Variants in HCN4 observed in about 807,000 individuals in gnomAD.
The protein encoded by HCN4 is hyperpolarization activated cyclic nucleotide gated potassium channel 4, also known as potassium/sodium hyperpolarization-activated cyclic nucleotide-gated channel 4.
HCN4 carries 29 observed loss-of-function variants against 76.9 expected under a neutral mutation model. The observed-to-expected ratio is 0.38, with a 90% CI of 0.28 to 0.51. The LOEUF is 0.51. Among genes scored for constraint, HCN4 ranks in the 20% least tolerant of loss-of-function variants. HCN4 has a pLI of 0.90. For missense variants in HCN4, 1,416 were observed against 1,715.2 expected (o/e 0.83, Z 3.08); for synonymous variants, 772 against 762.5 (o/e 1.01, Z -0.21).
chr15:73,360,442 C>T (rs983636224), intron 1 of HCN4, among the ~76,000 whole-genome samples: 3 of 152,196 alleles, frequency 2.0e-5, no homozygotes, highest in Admixed American at 6.5e-5. Context: ...TCTGATATTC[C>T]GACACCTGAT....
intron 1 of HCN4, among the ~76,000 whole-genome samples, chr15:73,347,451 C>T (rs1190814881): frequency 6.6e-6 from 1 of 152,154 alleles, no homozygotes; most frequent in African/African-American, 2.4e-5. Flanking sequence ...GAGAAGACTG[C>T]AAAGAGGATT....
chr15:73,359,039 T>G (rs11636462), intron 1 of HCN4, among the ~76,000 whole-genome samples: 9,424 of 152,302 alleles, frequency 0.062, 432 homozygotes, highest in Admixed American at 0.099. Flanking sequence ...GCCCCCATTA[T>G]GTATTAATTT....
intron 1 of HCN4, among the ~76,000 whole-genome samples, chr15:73,361,265 G>A (rs1472703655): frequency 6.6e-6 from 1 of 152,152 alleles, no homozygotes; most frequent in Non-Finnish European, 1.5e-5. Context: ...TCCCACCTCA[G>A]ATCCGAGTGG....
chr15:73,350,845 TA>T (rs559176108), intron 1 of HCN4, among the ~76,000 whole-genome samples: 10 of 151,304 alleles, frequency 6.6e-5, no homozygotes, highest in South Asian at 2.1e-4. Context: ...TCTCTAAACT[TA>T]AAAAAAAATC....
At chr15:73,347,964 T>C (rs1438167381) in intron 1 of HCN4, among the ~76,000 whole-genome samples, 1 of 152,192 alleles carries the variant, frequency 6.6e-6, no homozygotes, top group African/African-American at 2.4e-5. Flanking sequence ...CCTGGACCAA[T>C]GGGTCCACCC....
chr15:73,358,975 G>T (rs1018232020), intron 1 of HCN4, among the ~76,000 whole-genome samples: 1 of 152,118 alleles, frequency 6.6e-6, no homozygotes, highest in African/African-American at 2.4e-5. Context: ...ATTCTGGAGG[G>T]CATGACTCCC....
Position 73,331,303 on chromosome 15 carries a change from C to A in HCN4, c.1371+828G>T, listed in dbSNP as rs978284457. On this transcript the variant is annotated intron_variant, in intron 3 of 7. Coordinates refer to ENST00000261917, the MANE Select transcript of HCN4 (RefSeq NM_005477.3). The stretch of plus-strand genomic sequence containing the variant: ...TAGGGTGGGGTCAGGCTTCATCCTG[C>A]CTGCCCTCCCTATCGGGACTCCACC... 8.7e-4 allele frequency among the ~76,000 whole-genome samples: 132 copies of A among 152,182 alleles called. 1 individual carries two copies. Among genetic ancestry groups the A allele is most frequent in the African/African-American group, 3.1e-3 (128 of 41,438 alleles).
At chr15:73,349,540 C>T (rs1178897983) in intron 1 of HCN4, among the ~76,000 whole-genome samples, 3 of 152,074 alleles carry the variant, frequency 2.0e-5, no homozygotes, top group African/African-American at 7.2e-5. Flanking sequence ...TATTTTATTA[C>T]TCCCAAACTC....
chr15:73,331,317 C>T (rs942527217), intron 3 of HCN4, among the ~76,000 whole-genome samples: 1 of 152,190 alleles, frequency 6.6e-6, no homozygotes. Flanking sequence ...CCCTCCCTAT[C>T]GGGACTCCAC....
intron 1 of HCN4, among the ~76,000 whole-genome samples, chr15:73,353,951 G>T (rs2043066449): frequency 6.6e-6 from 1 of 151,960 alleles, no homozygotes; most frequent in Non-Finnish European, 1.5e-5. Context: ...TAGATAAATT[G>T]CTGTCTTCCT....
intron 1 of HCN4, among the ~76,000 whole-genome samples, chr15:73,355,675 C>G (rs529543633): frequency 6.6e-6 from 1 of 152,128 alleles, no homozygotes; most frequent in Non-Finnish European, 1.5e-5. Flanking sequence ...GAGATGAAAA[C>G]CCATTGTTTA....
chr15:73,322,014 G>A lies in HCN4; in HGVS notation c.*467C>T, dbSNP rs191621714. 2.0e-4 allele frequency: 39 copies of A among 192,364 alleles called. 1 individual carries two copies. The East Asian group carries it at 4.7e-3, about 23-fold the overall frequency. 11.9% of individuals were successfully genotyped at this position (192,364 alleles called of 1,614,324 possible). On this transcript the variant is annotated 3_prime_UTR_variant, in exon 8 of 8. Transcript: ENST00000261917. ...AGGGCCCTGGCCCTTTTCTCCCAAG[G>A]TCGCAGGCTTCTGAGGCTCCCCAGG...
chr15:73,322,902 TG>T lies in HCN4; in HGVS notation c.3190del (p.Gln1064ArgfsTer117). The T allele has an allele frequency of 7.6e-7, 1 of 1,307,634 alleles. No individual in the cohort carries two copies. The allele number at this position is 1,307,634 out of a possible 1,614,324, so 81.0% of individuals were successfully genotyped here. ...LPPASSPPPPQVPQRRGTPPL... is the reference protein window; with the variant it reads ...LPPASSPPPPXVPQRRGTPPL... ...GGGTGTGCCCCGGCGCTGGGGGACC[TG>T]GGGTGGTGGGGGGCTGGATGCAGGT... On this transcript the variant is annotated frameshift_variant, in exon 8 of 8. Transcript: ENST00000261917. LOFTEE classifies it high-confidence loss of function.
chr15:73,340,692 A>G (rs1465339835), intron 2 of HCN4, among the ~76,000 whole-genome samples: 1 of 152,150 alleles, frequency 6.6e-6, no homozygotes, highest in Non-Finnish European at 1.5e-5. Flanking sequence ...CTCCCCTGCC[A>G]CTGCCCTCCC....
intron 1 of HCN4, among the ~76,000 whole-genome samples, chr15:73,349,331 T>G (rs1278013080): frequency 6.6e-6 from 1 of 152,120 alleles, no homozygotes; most frequent in Admixed American, 6.5e-5. Context: ...TTATCTGGAC[T>G]ACTTTATTTA....
chr15:73,349,360 C>T (rs570932344), intron 1 of HCN4, among the ~76,000 whole-genome samples: 3 of 151,788 alleles, frequency 2.0e-5, no homozygotes, highest in African/African-American at 4.9e-5. Flanking sequence ...TAAAAAAAAA[C>T]CCCTATGAGG....
chr15:73,348,220 C>T (rs376632438), intron 1 of HCN4, among the ~76,000 whole-genome samples: 5 of 152,190 alleles, frequency 3.3e-5, no homozygotes, highest in African/African-American at 1.2e-4. Flanking sequence ...CCCTCTCCTT[C>T]CCTGGAGGCC....
intron 1 of HCN4, among the ~76,000 whole-genome samples, chr15:73,345,652 C>A (rs2043026449): frequency 6.6e-6 from 1 of 152,220 alleles, no homozygotes; most frequent in Admixed American, 6.5e-5. Context: ...TGTGTACACT[C>A]ATTAGATGCC....
intron 1 of HCN4, among the ~76,000 whole-genome samples, chr15:73,345,499 T>C (rs905294297): frequency 2.0e-5 from 3 of 152,102 alleles, no homozygotes; most frequent in African/African-American, 7.2e-5. Flanking sequence ...TGAGGACCCA[T>C]CCTCAGCTTC....
Sources: allele counts gnomAD v4.1 joint callset (sites outside exome capture counted in the v4.1 genomes callset), GRCh38; gene constraint gnomAD v4.1.1; transcripts MANE v1.5; gene names NCBI Gene and HGNC (gene_info 2026-07-23, HGNC 2026-07-21).